LHX8: variants seen among roughly 807,000 people sequenced by gnomAD.
The protein encoded by LHX8 is LIM homeobox 8.
In LHX8, 12 loss-of-function variants were observed where a neutral mutation model predicts 40.3. That is an observed-to-expected ratio of 0.30 (90% confidence interval 0.19 to 0.48). LHX8 has a LOEUF of 0.48. Among genes scored for constraint, LHX8 ranks in the 20% least tolerant of loss-of-function variants. The pLI is 0.99. For synonymous variants in LHX8, 179 were observed against 162.0 expected (o/e 1.10, Z -0.80); for missense variants, 344 against 433.7 (o/e 0.79, Z 1.84).
chr1:75,133,341 G>A (rs1648023847), upstream of LHX8, among the ~76,000 whole-genome samples: 1 of 152,158 alleles, frequency 6.6e-6, no homozygotes, highest in Non-Finnish European at 1.5e-5. Flanking sequence ...TATCTCCTCC[G>A]CTAGCCGGCT....
chr1:75,151,089 A>G (rs1648597189), intron 7 of LHX8, among the ~76,000 whole-genome samples: 1 of 152,194 alleles, frequency 6.6e-6, no homozygotes. Flanking sequence ...TTCATTGCAC[A>G]TATTTTATTT....
chr1:75,167,982 C>A, the LHX8 span, among the ~76,000 whole-genome samples: 1 of 152,206 alleles, frequency 6.6e-6, no homozygotes, highest in Non-Finnish European at 1.5e-5. Flanking sequence ...GGCTGACTCC[C>A]CAGCCTGCAG....
At chr1:75,196,924 G>A in the LHX8 span, among the ~76,000 whole-genome samples, 14 of 152,194 alleles carry the variant, frequency 9.2e-5, no homozygotes, top group South Asian at 8.3e-4. Flanking sequence ...TTCCATTAAG[G>A]ACTCTTGGAG....
chr1:75,161,222 A>G lies in LHX8; in HGVS notation c.*327A>G, dbSNP rs1421195102. 1 of 256,876 alleles carries G rather than the reference A, an allele frequency of 3.9e-6. No homozygotes were observed. 15.9% of individuals were successfully genotyped at this position (256,876 alleles called of 1,614,324 possible). On this transcript the variant is annotated 3_prime_UTR_variant, in exon 9 of 9. Transcript: ENST00000356261. ...TAAAAGAAAGGACTGACAAGTGTGC[A>G]AAATGTTTACAATCTTTTGTGAAAT...
the LHX8 span, among the ~76,000 whole-genome samples, chr1:75,179,504 T>G: frequency 7.7e-4 from 59 of 76,494 alleles, no homozygotes; most frequent in African/African-American, 4.3e-3. Flanking sequence ...CCCCTGTTGT[T>G]TTTTTTTTTT....
intron 8 of LHX8, among the ~76,000 whole-genome samples, chr1:75,157,939 T>TAA (rs1648814486): frequency 6.6e-6 from 1 of 152,194 alleles, no homozygotes; most frequent in South Asian, 2.1e-4. Flanking sequence ...GAGTGGGACA[T>TAA]AAGGTCATGG....
chr1:75,175,266 A>G, the LHX8 span, among the ~76,000 whole-genome samples: 1 of 152,170 alleles, frequency 6.6e-6, no homozygotes, highest in Admixed American at 6.5e-5. Context: ...TGCTATAAAC[A>G]TGTGTGTGCA....
intron 5 of LHX8, 35 bp downstream of exon 5, chr1:75,143,373 A>G: frequency 6.7e-7 from 1 of 1,486,550 alleles, no homozygotes; most frequent in Non-Finnish European, 9.3e-7. Flanking sequence ...GAGTCTTTTG[A>G]GACAGTGAAT....
intron 8 of LHX8, among the ~76,000 whole-genome samples, chr1:75,158,852 A>G (rs1648839433): frequency 6.6e-6 from 1 of 152,074 alleles, no homozygotes; most frequent in African/African-American, 2.4e-5. Context: ...AAATTTACCT[A>G]CTTGTCTATT....
Position 75,161,046 on chromosome 1 carries a change from G to T in LHX8, c.*151G>T. 1.6e-6 allele frequency: 1 copy of T among 624,964 alleles called. No homozygotes were observed. The highest frequency in any genetic ancestry group is 1.9e-5 in the South Asian group (1 of 52,518). 38.7% of individuals were successfully genotyped at this position (624,964 alleles called of 1,614,324 possible). ...GCTGCCCAGGTATGTATCTATAGTT[G>T]GCCTGCAAGACACTTTTATTAATTC... On this transcript the variant is annotated 3_prime_UTR_variant, in exon 9 of 9. Coordinates refer to ENST00000356261, the MANE Select transcript of LHX8 (RefSeq NM_001256114.2).
intron 6 of LHX8, among the ~76,000 whole-genome samples, chr1:75,146,295 A>G (rs993333868): frequency 2.0e-5 from 3 of 152,100 alleles, no homozygotes; most frequent in Non-Finnish European, 4.4e-5. Context: ...AAATAAGAAA[A>G]TTTTCCAAAA....
At chr1:75,149,527 T>C (rs1296013846) in intron 7 of LHX8, among the ~76,000 whole-genome samples, 5 of 152,140 alleles carry the variant, frequency 3.3e-5, no homozygotes, top group African/African-American at 9.7e-5. Context: ...TGTTTGTTTC[T>C]GAAGAGACAC....
chr1:75,137,999 A>G (rs1363339336), intron 3 of LHX8, among the ~76,000 whole-genome samples: 1 of 152,238 alleles, frequency 6.6e-6, no homozygotes, highest in African/African-American at 2.4e-5. Flanking sequence ...ATATAAAGTT[A>G]GACACACACA....
the LHX8 span, among the ~76,000 whole-genome samples, chr1:75,185,951 A>G: frequency 1.3e-5 from 2 of 152,192 alleles, no homozygotes; most frequent in Non-Finnish European, 2.9e-5. Context: ...CACAATTGCC[A>G]CAAAAAGAAT....
the LHX8 span, among the ~76,000 whole-genome samples, chr1:75,194,176 C>A: frequency 5.3e-5 from 8 of 152,304 alleles, no homozygotes; most frequent in African/African-American, 1.7e-4. Context: ...GTAACTCCAA[C>A]TTTTGGGGCA....
At chr1:75,139,581 C>CT (rs1040220912) in intron 3 of LHX8, among the ~76,000 whole-genome samples, 5 of 151,996 alleles carry the variant, frequency 3.3e-5, no homozygotes, top group African/African-American at 4.8e-5. Context: ...AAGGAAAATG[C>CT]TTTTTTTATT....
At chr1:75,182,111 C>G in the LHX8 span, among the ~76,000 whole-genome samples, 17,886 of 152,078 alleles carry the variant, frequency 0.12, 1,273 homozygotes, top group Middle Eastern at 0.22. Context: ...ATGTTATCTT[C>G]TTGAATTTTT....
chr1:75,161,615 TA>T (rs1648921147), downstream of LHX8: 1 of 151,940 alleles, frequency 6.6e-6, no homozygotes, highest in African/African-American at 2.4e-5. Context: ...GTTTAAAAAG[TA>T]TTGTGTTTTG....
At chr1:75,143,974 T>C in intron 6 of LHX8, 26 bp downstream of exon 6, 2 of 1,585,616 alleles carry the variant, frequency 1.3e-6, no homozygotes, top group Non-Finnish European at 1.7e-6. Flanking sequence ...AATTTTTTAT[T>C]TTTGAAGCCC....
Sources: gnomAD v4.1 joint callset for allele counts (sites outside exome capture counted in the v4.1 genomes callset) on GRCh38, gnomAD v4.1.1 for gene constraint, MANE v1.5 for transcripts, NCBI Gene and HGNC (gene_info 2026-07-23, HGNC 2026-07-21) for gene names.